The following EPHA3 variants were observed in gnomAD, a reference collection of about 807,000 sequenced individuals.
EPHA3 encodes ephrin type-A receptor 3.
A neutral mutation model predicts 107.1 loss-of-function variants in EPHA3; 42 were observed. That is an observed-to-expected ratio of 0.39 (90% CI 0.31 to 0.51). The LOEUF (loss-of-function observed/expected upper bound fraction) is 0.51, where lower values mean the gene tolerates loss of function less well. Ranked by LOEUF, EPHA3 falls within the 20% of genes least tolerant of loss-of-function variation. The probability of loss-of-function intolerance (pLI) is 0.78; values close to 1 mark genes in which losing one functional copy is unlikely to be tolerated. For synonymous variants in EPHA3, 461 were observed against 424.8 expected, an observed-to-expected ratio of 1.09 and a Z score of -1.05; for missense variants, 1,183 against 1,211.2, an observed-to-expected ratio of 0.98 and a Z score of 0.35.
chr3:89,432,703 A>C (rs1709592082), intron 13 of EPHA3, among the ~76,000 whole-genome samples: 1 of 152,138 alleles, frequency 6.6e-6, no homozygotes, highest in South Asian at 2.1e-4. Context: ...TTTTAAATTT[A>C]GCCTTTCGAT....
chr3:89,165,291 G>A (rs998069316), intron 2 of EPHA3, among the ~76,000 whole-genome samples: 1 of 152,062 alleles, frequency 6.6e-6, no homozygotes, highest in Non-Finnish European at 1.5e-5. Context: ...ATCCTCAAAA[G>A]CAGATCTTCC....
intron 13 of EPHA3, among the ~76,000 whole-genome samples, chr3:89,442,599 G>T (rs964186893): frequency 1.3e-5 from 2 of 152,098 alleles, no homozygotes; most frequent in Non-Finnish European, 2.9e-5. Context: ...GAATGATCTC[G>T]GGTGAAAGGT....
At chr3:89,315,874 G>A (rs1314429827) in intron 3 of EPHA3, among the ~76,000 whole-genome samples, 2 of 151,798 alleles carry the variant, frequency 1.3e-5, no homozygotes, top group Non-Finnish European at 2.9e-5. Context: ...GTTAGGACCT[G>A]GATCCCCTGA....
At chr3:89,245,945 A>G (rs373292200) in intron 3 of EPHA3, among the ~76,000 whole-genome samples, 2 of 152,230 alleles carry the variant, frequency 1.3e-5, no homozygotes, top group Admixed American at 6.5e-5. Flanking sequence ...AAATACTCAC[A>G]TGGAGAATCT....
At chr3:89,304,234 T>C (rs992315155) in intron 3 of EPHA3, among the ~76,000 whole-genome samples, 1 of 152,114 alleles carries the variant, frequency 6.6e-6, no homozygotes, top group African/African-American at 2.4e-5. Context: ...TCTTTTCTAG[T>C]CCAGTATGAA....
chr3:89,445,635 A>T (rs1382432010), intron 13 of EPHA3, among the ~76,000 whole-genome samples: 1 of 152,188 alleles, frequency 6.6e-6, no homozygotes, highest in Non-Finnish European at 1.5e-5. Flanking sequence ...AATGAAAATA[A>T]ATGAGATTGC....
chr3:89,158,952 T>A (rs976228475), intron 2 of EPHA3, among the ~76,000 whole-genome samples: 1 of 152,024 alleles, frequency 6.6e-6, no homozygotes, highest in African/African-American at 2.4e-5. Context: ...AATAACTACT[T>A]TTTTTTGTTA....
chr3:89,466,588 G>A (rs1317981682), intron 15 of EPHA3, among the ~76,000 whole-genome samples: 2 of 129,562 alleles, frequency 1.5e-5, no homozygotes, highest in East Asian at 2.0e-4. Context: ...GGAGTGACCC[G>A]ATTTTCCAGG....
intron 6 of EPHA3, among the ~76,000 whole-genome samples, chr3:89,396,296 T>G (rs143487923): frequency 6.6e-6 from 1 of 152,164 alleles, no homozygotes; most frequent in South Asian, 2.1e-4. Context: ...TTGTGAACTG[T>G]TTTTTTAGTT....
intron 3 of EPHA3, among the ~76,000 whole-genome samples, chr3:89,258,540 C>T (rs979634938): frequency 1.3e-5 from 2 of 151,934 alleles, no homozygotes; most frequent in African/African-American, 4.8e-5. Context: ...GGAAAAACAA[C>T]ATGAAATTGA....
chr3:89,280,607 A>G (rs1271341679), intron 3 of EPHA3, among the ~76,000 whole-genome samples: 1 of 152,200 alleles, frequency 6.6e-6, no homozygotes, highest in Non-Finnish European at 1.5e-5. Flanking sequence ...CAATGCATCA[A>G]TGTAGTTACA....
chr3:89,407,192 G>T (rs182516352), intron 7 of EPHA3, 77 bp from the exon 8 acceptor site: 99 of 973,190 alleles, frequency 1.0e-4, no homozygotes, highest in Middle Eastern at 6.4e-4. Context: ...ATTAATTAAT[G>T]AATCAATCAA....
At chr3:89,350,179 G>A (rs1460302007) in intron 5 of EPHA3, among the ~76,000 whole-genome samples, 1 of 148,524 alleles carries the variant, frequency 6.7e-6, no homozygotes, top group Admixed American at 6.8e-5. Context: ...GCTAGATTGG[G>A]GAAGTTCTCC....
intron 3 of EPHA3, among the ~76,000 whole-genome samples, chr3:89,263,230 T>C (rs1705462329): frequency 6.6e-6 from 1 of 152,010 alleles, no homozygotes; most frequent in Non-Finnish European, 1.5e-5. Context: ...CTGTGTTAGT[T>C]TGCTGAGAAT....
chr3:89,415,492 A>ATATAT (rs35710348), intron 10 of EPHA3, among the ~76,000 whole-genome samples: 2 of 146,268 alleles, frequency 1.4e-5, no homozygotes, highest in Non-Finnish European at 3.0e-5. Flanking sequence ...ATATATATAT[A>ATATAT]AGCTAATTCT....
chr3:89,469,046 T>A (rs1404753858), intron 15 of EPHA3, among the ~76,000 whole-genome samples: 3 of 152,102 alleles, frequency 2.0e-5, no homozygotes, highest in East Asian at 1.9e-4. Flanking sequence ...AAGGAAAAAA[T>A]TAATATTTAT....
At chr3:89,364,986 C>T (rs1000025889) in intron 5 of EPHA3, among the ~76,000 whole-genome samples, 3 of 150,956 alleles carry the variant, frequency 2.0e-5, no homozygotes, top group African/African-American at 2.4e-5. Context: ...ATGTGACCAA[C>T]ACTGTGCTGT....
rs572006420 is a variant in EPHA3, at chr3:89,330,413, G to A, written c.815-10503G>A. Among the ~76,000 whole-genome samples, 6 of 151,844 alleles carry A rather than the reference G, an allele frequency of 4.0e-5. No homozygotes were observed. In the South Asian group the frequency reaches 1.2e-3, roughly 32 times the overall value. On this transcript the variant is annotated intron_variant, in intron 3 of 16. Coordinates refer to ENST00000336596, the MANE Select transcript of EPHA3 (RefSeq NM_005233.6). ...TCCAATGTATAAATTATATATCATA[G>A]GTTTTTTTTAAATCCATTGGCTTTT...
chr3:89,133,988 G>T (rs1704258128), intron 2 of EPHA3, among the ~76,000 whole-genome samples: 2 of 151,202 alleles, frequency 1.3e-5, no homozygotes, highest in Admixed American at 1.3e-4. Context: ...ATGGTTCACT[G>T]TTGTGTAGAA....
Sources: gnomAD v4.1 joint callset for allele counts (sites outside exome capture counted in the v4.1 genomes callset) on GRCh38, gnomAD v4.1.1 for gene constraint, MANE v1.5 for transcripts, NCBI Gene and HGNC (gene_info 2026-07-23, HGNC 2026-07-21) for gene names.